The following WASL variants were observed in gnomAD, a reference collection of about 807,000 sequenced individuals.
The protein encoded by WASL is actin nucleation-promoting factor WASL.
A neutral mutation model predicts 55.5 loss-of-function variants in WASL; 20 were observed. That is an observed-to-expected ratio of 0.36 (90% CI 0.25 to 0.52). The LOEUF is 0.52. WASL is among the 20% of genes least tolerant of loss of function. The pLI, the probability that WASL is intolerant of heterozygous loss-of-function variation, is 0.92. For missense variants in WASL, 504 were observed against 622.5 expected, an observed-to-expected ratio of 0.81 and a Z score of 2.03; for synonymous variants, 249 against 217.6, an observed-to-expected ratio of 1.14 and a Z score of -1.27.
intron 5 of WASL, among the ~76,000 whole-genome samples, chr7:123,699,727 G>T (rs557977807): frequency 6.6e-6 from 1 of 152,264 alleles, no homozygotes; most frequent in East Asian, 1.9e-4. Flanking sequence ...GGAACAAAAT[G>T]TAAGTGATAT....
chr7:123,692,448 C>A lies in WASL; in HGVS notation c.1246G>T (p.Gly416Cys). The change falls in exon 9 of 11, where the codon GGT becomes TGT. Residue 416 changes from glycine to cysteine, a missense_variant. This residue lies in a region of WASL where 201 missense variants were observed against 206.2 expected (regional missense o/e 0.97). Coordinates refer to ENST00000223023, the MANE Select transcript of WASL (RefSeq NM_003941.4). ...TGCTCCACTTTTTTTAGCTGAGCAC[C>A]CTCTCTAATTTGATCTAAAAGAGCT... ...KAALLDQIRE[G>C]AQLKKVEQNS... 6.2e-7 allele frequency: 1 copy of A among 1,614,100 alleles called. No individual in the cohort carries two copies. Among genetic ancestry groups the A allele is most frequent in the Non-Finnish European group, 8.5e-7 (1 of 1,180,020 alleles).
chr7:123,689,300 A>C, intron 9 of WASL, 150 bp from the exon 10 acceptor site: 1 of 584,214 alleles, frequency 1.7e-6, no homozygotes, highest in Non-Finnish European at 3.0e-6. Context: ...TAATCAAATT[A>C]ACAAGAAATA....
chr7:123,741,483 AATGT>A (rs1432801258), intron 1 of WASL, among the ~76,000 whole-genome samples: 137 of 152,314 alleles, frequency 9.0e-4, no homozygotes, highest in African/African-American at 3.2e-3. Context: ...TGTGACTATG[AATGT>A]ATAAACTTTT....
chr7:123,688,900 C>T (rs1803345546), intron 10 of WASL, 142 bp downstream of exon 10: 1 of 768,898 alleles, frequency 1.3e-6, no homozygotes, highest in Non-Finnish European at 2.2e-6. Context: ...CTAGAGCCCA[C>T]ATCAGTAGTT....
intron 1 of WASL, among the ~76,000 whole-genome samples, chr7:123,730,375 A>G (rs897324137): frequency 2.0e-5 from 3 of 152,188 alleles, no homozygotes; most frequent in Admixed American, 1.3e-4. Context: ...TTCAGTTATT[A>G]TAGCTTTTAG....
intron 1 of WASL, among the ~76,000 whole-genome samples, chr7:123,739,796 T>G (rs1804299320): frequency 6.6e-6 from 1 of 152,044 alleles, no homozygotes; most frequent in Admixed American, 6.6e-5. Context: ...TCTAGGCTAT[T>G]TAAGGTTTTT....
intron 1 of WASL, among the ~76,000 whole-genome samples, chr7:123,729,147 T>C (rs557002812): frequency 6.6e-6 from 1 of 152,326 alleles, no homozygotes; most frequent in South Asian, 2.1e-4. Flanking sequence ...AATTATTTTG[T>C]AGCCAACTTG....
intron 1 of WASL, among the ~76,000 whole-genome samples, chr7:123,743,921 C>T (rs756086499): frequency 2.0e-5 from 3 of 152,230 alleles, no homozygotes; most frequent in Middle Eastern, 3.2e-3. Flanking sequence ...AGCTACGCTG[C>T]GTCACATACA....
At chr7:123,704,736 T>C in intron 4 of WASL, 79 bp from the exon 5 acceptor site, 1 of 962,492 alleles carries the variant, frequency 1.0e-6, no homozygotes, top group South Asian at 2.0e-5. Flanking sequence ...TTCACTAAAC[T>C]GTCTTATTCC....
At position 123,684,102 on chromosome 7, in the gene WASL, T is replaced by C. The variant is rs1803246277; in HGVS notation, c.*417A>G. The stretch of plus-strand genomic sequence containing the variant: ...TAAAGAAACTAAGGTCTGCATCACT[T>C]AAAAAAGAATGTAGTGCTATACTAG... On this transcript the variant is annotated 3_prime_UTR_variant, in exon 11 of 11. Coordinates refer to ENST00000223023, the MANE Select transcript of WASL (RefSeq NM_003941.4). The C allele has an allele frequency of 6.6e-6, 1 of 152,116 alleles. No homozygotes were observed. Among genetic ancestry groups the C allele is most frequent in the African/African-American group, 2.4e-5 (1 of 41,422 alleles). The allele number at this position is 152,116 out of a possible 1,614,324, so 9.4% of individuals were successfully genotyped here.
chr7:123,706,908 G>A, intron 2 of WASL, 82 bp from the exon 3 acceptor site: 2 of 758,042 alleles, frequency 2.6e-6, no homozygotes, highest in Non-Finnish European at 4.1e-6. Context: ...CTCATATTAA[G>A]AAAACTGTTT....
intron 1 of WASL, among the ~76,000 whole-genome samples, chr7:123,735,278 GA>G (rs1390590732): frequency 2.0e-5 from 3 of 149,668 alleles, no homozygotes; most frequent in Admixed American, 6.7e-5. Context: ...TGACTTCATG[GA>G]AAAAAAATAG....
chr7:123,721,766 G>T (rs1413568422), intron 1 of WASL, among the ~76,000 whole-genome samples: 2 of 152,094 alleles, frequency 1.3e-5, no homozygotes, highest in African/African-American at 2.4e-5. Context: ...CACAAAATTT[G>T]GTCAGGCGTG....
At chr7:123,691,127 ATCT>A (rs1227938893) in intron 9 of WASL, among the ~76,000 whole-genome samples, 1 of 152,194 alleles carries the variant, frequency 6.6e-6, no homozygotes, top group Non-Finnish European at 1.5e-5. Context: ...TGTGCTTCCT[ATCT>A]ATTACCCTCC....
intron 10 of WASL, among the ~76,000 whole-genome samples, chr7:123,686,412 C>T (rs542643743): frequency 6.6e-6 from 1 of 151,888 alleles, no homozygotes; most frequent in Non-Finnish European, 1.5e-5. Context: ...TACAGACTGA[C>T]AAAAGACAGA....
intron 1 of WASL, among the ~76,000 whole-genome samples, chr7:123,711,691 A>ATT (rs1361797596): frequency 1.3e-5 from 2 of 152,130 alleles, no homozygotes; most frequent in Non-Finnish European, 2.9e-5. Flanking sequence ...ACAGTGACTT[A>ATT]ATTAAGTTTT....
intron 10 of WASL, among the ~76,000 whole-genome samples, chr7:123,688,424 G>A (rs998341995): frequency 1.6e-4 from 24 of 152,050 alleles, no homozygotes; most frequent in Admixed American, 2.6e-4. Flanking sequence ...GCAATGGTGC[G>A]ATCTTGGCTC....
At chr7:123,746,741 T>A (rs769926395) in intron 1 of WASL, among the ~76,000 whole-genome samples, 3 of 152,246 alleles carry the variant, frequency 2.0e-5, no homozygotes, top group Non-Finnish European at 4.4e-5. Context: ...ATGTGCAACA[T>A]CATTTTTCTC....
intron 10 of WASL, among the ~76,000 whole-genome samples, chr7:123,685,646 A>G (rs1052712112): frequency 7.2e-5 from 11 of 151,844 alleles, no homozygotes; most frequent in Admixed American, 6.6e-4. Flanking sequence ...GACAGCACGG[A>G]CCTTGCCTAT....
Sources: gnomAD v4.1 joint callset for allele counts (sites outside exome capture counted in the v4.1 genomes callset) on GRCh38, gnomAD v4.1.1 for gene constraint, gnomAD v4.1.1 regional missense constraint, MANE v1.5 for transcripts, NCBI Gene and HGNC (gene_info 2026-07-23, HGNC 2026-07-21) for gene names.